Variants in FRAS1 observed in about 807,000 individuals in gnomAD.
FRAS1 encodes extracellular matrix organizing protein FRAS1.
Under a neutral mutation model 435.2 loss-of-function variants are expected in FRAS1, and 290 were observed. The observed-to-expected ratio is 0.67, with a 90% CI of 0.61 to 0.73. FRAS1 has a LOEUF of 0.73. Among genes scored for constraint, FRAS1 ranks in the 30% least tolerant of loss-of-function variants. The pLI, the probability that FRAS1 is intolerant of heterozygous loss-of-function variation, is 0.00. For missense variants in FRAS1, 4,860 were observed against 5,001.5 expected (o/e 0.97, Z 0.85); for synonymous variants, 1,800 against 1,851.0 (o/e 0.97, Z 0.71).
intron 2 of FRAS1, among the ~76,000 whole-genome samples, chr4:78,206,529 G>A (rs1308624054): frequency 3.9e-5 from 6 of 152,096 alleles, no homozygotes; most frequent in African/African-American, 1.2e-4. Context: ...GGAAACAACC[G>A]TACCATCCCT....
At chr4:78,124,880 T>G (rs1719250629) in intron 2 of FRAS1, among the ~76,000 whole-genome samples, 1 of 152,216 alleles carries the variant, frequency 6.6e-6, no homozygotes, top group Admixed American at 6.5e-5. Flanking sequence ...CTTCTCACTT[T>G]TACTCTTTAT....
At chr4:78,524,302 T>C (rs1317848416) in intron 69 of FRAS1, among the ~76,000 whole-genome samples, 3 of 152,092 alleles carry the variant, frequency 2.0e-5, no homozygotes, top group Non-Finnish European at 4.4e-5. Context: ...GGAGATAAAA[T>C]ACATAGATAA....
At chr4:78,365,750 A>C (rs925661988) in intron 22 of FRAS1, among the ~76,000 whole-genome samples, 7 of 102,382 alleles carry the variant, frequency 6.8e-5, no homozygotes, top group African/African-American at 3.5e-4. Context: ...AAAAAAAAAA[A>C]CAAAAAAAAA....
intron 2 of FRAS1, among the ~76,000 whole-genome samples, chr4:78,087,255 G>C (rs1432977117): frequency 6.6e-6 from 1 of 151,964 alleles, no homozygotes; most frequent in African/African-American, 2.4e-5. Context: ...CAATAAATTA[G>C]GTATTGATGG....
At chr4:78,211,200 A>G (rs1723487937) in intron 2 of FRAS1, among the ~76,000 whole-genome samples, 1 of 152,158 alleles carries the variant, frequency 6.6e-6, no homozygotes, top group South Asian at 2.1e-4. Context: ...CATGAAGGAA[A>G]CTTCTGGGTG....
chr4:78,095,812 T>C (rs1741774337), intron 2 of FRAS1, among the ~76,000 whole-genome samples: 1 of 152,190 alleles, frequency 6.6e-6, no homozygotes, highest in Non-Finnish European at 1.5e-5. Flanking sequence ...CACATGGGAA[T>C]TATGGGAGCT....
rs376277534 is a variant in FRAS1 at position 78,322,524 on chromosome 4, G to A, written c.2137+3538G>A. The stretch of plus-strand genomic sequence containing the variant: ...CCTTTCTTTGAGACTACAGCACAGA[G>A]TGATTAGAATATTACTGCAGCTAAT... On this transcript the variant is annotated intron_variant, in intron 18 of 73. Coordinates refer to ENST00000512123, the MANE Select transcript of FRAS1 (RefSeq NM_025074.7). 4.0e-5 allele frequency among the ~76,000 whole-genome samples: 6 copies of A among 148,314 alleles called. No homozygotes were observed. In the East Asian group the frequency reaches 7.7e-4, roughly 19 times the overall value.
At chr4:78,478,321 C>A (rs1719912618) in intron 55 of FRAS1, among the ~76,000 whole-genome samples, 1 of 152,184 alleles carries the variant, frequency 6.6e-6, no homozygotes, top group Non-Finnish European at 1.5e-5. Flanking sequence ...TTATATTTAG[C>A]CTTCTAAATT....
chr4:78,089,918 A>G (rs1239015298), intron 2 of FRAS1, among the ~76,000 whole-genome samples: 1 of 151,982 alleles, frequency 6.6e-6, no homozygotes, highest in Non-Finnish European at 1.5e-5. Context: ...CCTACCCTCC[A>G]TCCTTAAGTA....
chr4:78,133,783 C>T (rs1190489170), intron 2 of FRAS1, among the ~76,000 whole-genome samples: 1 of 152,250 alleles, frequency 6.6e-6, no homozygotes, highest in East Asian at 1.9e-4. Context: ...CTGTTGTCAT[C>T]ACTGATCAAG....
In FRAS1 at chr4:78,379,975, T is replaced by C; in HGVS notation, c.3542T>C (p.Val1181Ala). Residue 1181 changes from valine (V) to alanine (A), a missense_variant, in exon 27 of 74, where the codon GTG (valine) becomes GCG (alanine). By Grantham distance (64) the Val-to-Ala change is moderately conservative (BLOSUM62 0). Transcript: ENST00000512123. ...GTGAACGAGAAGAAAGTGCGTTTTG[T>C]GCACAGCAAAGAAAAACTCAGGTGA... ...KDVNEKKVRF[V>A]HSKEKLRKGY... is the part of the protein sequence containing the mutation. 16 of 1,612,838 alleles carry C rather than the reference T, an allele frequency of 9.9e-6. No individual in the cohort carries two copies. Among genetic ancestry groups the C allele is most frequent in the African/African-American group, 1.3e-5 (1 of 74,936 alleles).
intron 59 of FRAS1, among the ~76,000 whole-genome samples, chr4:78,489,963 GAAAACAAAA>G (rs897128523): frequency 1.6e-4 from 1 of 6,080 alleles, no homozygotes; most frequent in African/African-American, 2.6e-4. Context: ...AAAGCTAGTG[GAAAACAAAA>G]AAAAAAAAAA....
In FRAS1 at chr4:78,364,126, G is replaced by A. The variant is rs1731180507; in HGVS notation, c.2722+72G>A. 17 of 1,480,652 alleles carry A rather than the reference G, an allele frequency of 1.1e-5. No individual in the cohort carries two copies. The South Asian group carries it at 1.3e-4, about 11-fold the overall frequency. The allele number at this position is 1,480,652 out of a possible 1,614,324, so 91.7% of individuals were successfully genotyped here. ...TTTCTGGAGCCATTGAAAGAAATGCGAGGTTCTTACTTCCATCTTCTCACC... is the reference window on the plus strand; with the variant it reads ...TTTCTGGAGCCATTGAAAGAAATGCAAGGTTCTTACTTCCATCTTCTCACC... On this transcript the variant is annotated intron_variant, in intron 22 of 73. Transcript: ENST00000512123.
At chr4:78,276,685 C>G (rs534221812) in intron 9 of FRAS1, among the ~76,000 whole-genome samples, 1 of 152,190 alleles carries the variant, frequency 6.6e-6, no homozygotes. Flanking sequence ...AGCTTTGTCT[C>G]AGAGGGGCAC....
chr4:78,459,006 T>G (rs373339120), intron 47 of FRAS1, among the ~76,000 whole-genome samples: 1 of 152,204 alleles, frequency 6.6e-6, no homozygotes, highest in Non-Finnish European at 1.5e-5. Flanking sequence ...GGTTCTCAGC[T>G]CTGTTTGGAC....
At position 78,384,098 on chromosome 4, in the gene FRAS1, C is replaced by T. The variant is rs1051000534; in HGVS notation, c.3603C>T (p.Phe1201=). 4 of 1,606,136 alleles carry T rather than the reference C, an allele frequency of 2.5e-6. No individual in the cohort carries two copies. In the Admixed American group the frequency reaches 5.1e-5, roughly 21 times the overall value. The stretch of plus-strand genomic sequence containing the variant: ...TCCTGAAAATTAGTGACCAGCAGTT[C>T]TTCTCTGAGCCACAGCTGATCAACA... ...YLFLKISDQQ[F]FSEPQLINIQ... The change falls in exon 28 of 74, where the codon TTC becomes TTT. Residue 1201 remains phenylalanine, a synonymous_variant. Coordinates refer to ENST00000512123, the MANE Select transcript of FRAS1 (RefSeq NM_025074.7).
intron 34 of FRAS1, among the ~76,000 whole-genome samples, chr4:78,422,849 G>A (rs578189984): frequency 6.6e-6 from 1 of 152,172 alleles, no homozygotes; most frequent in African/African-American, 2.4e-5. Flanking sequence ...GGCCAGTGAG[G>A]GTCCTGCAGT....
chr4:78,181,603 T>A, intron 2 of FRAS1: 1 of 1,611,030 alleles, frequency 6.2e-7, no homozygotes, highest in Non-Finnish European at 8.5e-7. Flanking sequence ...AAAATTAGCC[T>A]CCTTCACCCT....
intron 2 of FRAS1, among the ~76,000 whole-genome samples, chr4:78,119,196 G>A (rs370683534): frequency 8.6e-5 from 13 of 152,046 alleles, no homozygotes; most frequent in African/African-American, 3.1e-4. Flanking sequence ...TGGGAACATT[G>A]AATATCCTCA....
Sources: allele counts gnomAD v4.1 joint callset (sites outside exome capture counted in the v4.1 genomes callset), GRCh38; gene constraint gnomAD v4.1.1; transcripts MANE v1.5; gene names NCBI Gene and HGNC (gene_info 2026-07-23, HGNC 2026-07-21).